The following ADAMTS6 variants were observed in gnomAD, a reference collection of about 807,000 sequenced individuals.
ADAMTS6 encodes ADAM metallopeptidase with thrombospondin type 1 motif 6.
In ADAMTS6, 23 loss-of-function variants were observed where a neutral mutation model predicts 144.3. The ratio of observed to expected loss-of-function variants is 0.16; its 90% CI spans 0.11 to 0.23. The LOEUF (loss-of-function observed/expected upper bound fraction) is 0.23. ADAMTS6 is among the 10% of genes least tolerant of loss of function. ADAMTS6 has a pLI of 1.00. For synonymous variants in ADAMTS6, 444 were observed against 457.5 expected (o/e 0.97, Z 0.38); for missense variants, 999 against 1,379.6 (o/e 0.72, Z 4.37).
At chr5:65,455,942 T>C in intron 4 of ADAMTS6, among the ~76,000 whole-genome samples, 1 of 151,948 alleles carries the variant, frequency 6.6e-6, no homozygotes, top group Non-Finnish European at 1.5e-5. Flanking sequence ...TCTAACAAAC[T>C]ACAAATTATT....
chr5:65,352,867 C>G (rs1225221157), intron 7 of ADAMTS6, among the ~76,000 whole-genome samples: 4 of 151,830 alleles, frequency 2.6e-5, no homozygotes, highest in African/African-American at 9.7e-5. Flanking sequence ...ATAAATCCAC[C>G]CTACTTGTCA....
intron 7 of ADAMTS6, among the ~76,000 whole-genome samples, chr5:65,347,510 T>C (rs534419839): frequency 3.7e-4 from 56 of 151,878 alleles, no homozygotes; most frequent in African/African-American, 1.1e-3. Flanking sequence ...TCAAAAAGGA[T>C]TAAAGGCTTA....
At chr5:65,328,896 T>A (rs1288670501) in intron 9 of ADAMTS6, among the ~76,000 whole-genome samples, 1 of 151,964 alleles carries the variant, frequency 6.6e-6, no homozygotes, top group Non-Finnish European at 1.5e-5. Flanking sequence ...TCTTGCAGTT[T>A]TTTTTTTCTT....
rs559151951 is a variant in ADAMTS6 at position 65,377,243 on chromosome 5, A to T, written c.1074-43158T>A. On this transcript the variant is annotated intron_variant, in intron 7 of 24. Coordinates refer to ENST00000381055, the MANE Select transcript of ADAMTS6 (RefSeq NM_197941.4). ...TTTCCTCTTACTACAGTGGGTCCTC[A>T]AGGCATTCAAGCATATGCCTTTGCC... Among the ~76,000 whole-genome samples the T allele has an allele frequency of 3.3e-5, 5 of 152,302 alleles. No individual in the cohort carries two copies. In the East Asian group the frequency reaches 9.6e-4, roughly 29 times the overall value.
intron 7 of ADAMTS6, among the ~76,000 whole-genome samples, chr5:65,440,816 T>C (rs968297248): frequency 1.3e-5 from 2 of 152,100 alleles, no homozygotes; most frequent in African/African-American, 4.8e-5. Context: ...TGGGGAATAA[T>C]TAGCCCTAAA....
chr5:65,393,206 G>T (rs1464956518), intron 7 of ADAMTS6, among the ~76,000 whole-genome samples: 4 of 152,084 alleles, frequency 2.6e-5, no homozygotes, highest in Non-Finnish European at 5.9e-5. Flanking sequence ...TACATGTATT[G>T]GACATATGGA....
At chr5:65,249,296 T>A (rs1331339536) in intron 14 of ADAMTS6, among the ~76,000 whole-genome samples, 2 of 152,156 alleles carry the variant, frequency 1.3e-5, no homozygotes, top group Non-Finnish European at 2.9e-5. Context: ...TGGTGGAGTA[T>A]GACCTTCCAG....
intron 7 of ADAMTS6, among the ~76,000 whole-genome samples, chr5:65,399,437 G>A (rs1416758610): frequency 6.6e-6 from 1 of 151,964 alleles, no homozygotes; most frequent in Admixed American, 6.5e-5. Context: ...TCCTATTTTT[G>A]TTTTCCACTC....
chr5:65,178,865 C>T (rs1003114046), intron 22 of ADAMTS6, among the ~76,000 whole-genome samples: 4 of 152,216 alleles, frequency 2.6e-5, no homozygotes, highest in Admixed American at 1.3e-4. Flanking sequence ...ACACCCTAAA[C>T]CCCACCACCT....
At chr5:65,219,239 C>T (rs1006181480) in intron 18 of ADAMTS6, among the ~76,000 whole-genome samples, 3 of 152,116 alleles carry the variant, frequency 2.0e-5, no homozygotes, top group African/African-American at 7.2e-5. Context: ...CACAGTCACA[C>T]CCATTTATTT....
intron 9 of ADAMTS6, among the ~76,000 whole-genome samples, chr5:65,323,203 T>G (rs1268731882): frequency 6.6e-6 from 1 of 151,770 alleles, no homozygotes; most frequent in Non-Finnish European, 1.5e-5. Context: ...GCCATGTTGG[T>G]GTGCTGCACC....
intron 18 of ADAMTS6, among the ~76,000 whole-genome samples, chr5:65,218,524 T>C (rs1561291196): frequency 6.6e-6 from 1 of 152,058 alleles, no homozygotes; most frequent in African/African-American, 2.4e-5. Flanking sequence ...ACAAAAATTA[T>C]GGAATTAGCA....
chr5:65,437,007 C>G (rs555678901), intron 7 of ADAMTS6, among the ~76,000 whole-genome samples: 4 of 152,050 alleles, frequency 2.6e-5, no homozygotes, highest in African/African-American at 9.7e-5. Flanking sequence ...TCCACATGGC[C>G]GGGGAGGCCT....
chr5:65,474,786 A>C (rs1434723402), intron 1 of ADAMTS6, among the ~76,000 whole-genome samples: 1 of 142,666 alleles, frequency 7.0e-6, no homozygotes, highest in African/African-American at 2.8e-5. Flanking sequence ...ACAAACAGCC[A>C]AACTGTGACC....
chr5:65,290,447 A>T (rs142479253), intron 11 of ADAMTS6, among the ~76,000 whole-genome samples: 172 of 152,238 alleles, frequency 1.1e-3, no homozygotes, highest in African/African-American at 4.0e-3. Flanking sequence ...GCTACTCAGG[A>T]GACTGAGGCA....
intron 11 of ADAMTS6, among the ~76,000 whole-genome samples, chr5:65,288,265 A>G (rs1373520537): frequency 6.6e-6 from 1 of 151,936 alleles, no homozygotes; most frequent in Non-Finnish European, 1.5e-5. Context: ...CTTCTGCAGT[A>G]TAGATCCTTC....
At chr5:65,259,674 T>C (rs936037038) in intron 14 of ADAMTS6, among the ~76,000 whole-genome samples, 10 of 152,102 alleles carry the variant, frequency 6.6e-5, no homozygotes, top group Non-Finnish European at 1.0e-4. Context: ...TACAGACAAG[T>C]CTTTTGAGAA....
At chr5:65,373,745 G>C (rs62370667) in intron 7 of ADAMTS6, among the ~76,000 whole-genome samples, 17,814 of 151,792 alleles carry the variant, frequency 0.12, 1,148 homozygotes, top group African/African-American at 0.17. Context: ...GGAATCCTCC[G>C]TAACTCATTT....
intron 9 of ADAMTS6, among the ~76,000 whole-genome samples, chr5:65,323,467 A>G (rs1258811334): frequency 1.3e-5 from 2 of 151,928 alleles, no homozygotes; most frequent in Non-Finnish European, 2.9e-5. Flanking sequence ...TTATGGCTGC[A>G]TAGTATTCCA....
Sources: allele counts gnomAD v4.1 joint callset (sites outside exome capture counted in the v4.1 genomes callset), GRCh38; gene constraint gnomAD v4.1.1; transcripts MANE v1.5; gene names NCBI Gene and HGNC (gene_info 2026-07-23, HGNC 2026-07-21).